The following VARS2 variants were observed in gnomAD, a reference collection of about 807,000 sequenced individuals.
VARS2 encodes the protein valine--tRNA ligase, mitochondrial.
VARS2 carries 105 observed loss-of-function variants against 154.1 expected under a neutral mutation model. The observed-to-expected ratio is 0.68, with a 90% CI of 0.58 to 0.80. The LOEUF (loss-of-function observed/expected upper bound fraction) is 0.80. Ranked by LOEUF, VARS2 falls within the 30% of genes least tolerant of loss-of-function variation. VARS2 has a pLI of 0.00. For missense variants in VARS2, 1,157 were observed against 1,361.4 expected, an observed-to-expected ratio of 0.85 and a Z score of 2.36; for synonymous variants, 483 against 539.5, an observed-to-expected ratio of 0.90 and a Z score of 1.45.
At chr6:30,923,300 G>A in intron 24 of VARS2, 53 bp from the exon 25 acceptor site, 3 of 1,606,776 alleles carry the variant, frequency 1.9e-6, no homozygotes, top group Non-Finnish European at 2.6e-6. Flanking sequence ...GCATCTGGAA[G>A]GAAAGGAGGC....
rs1794178684 is a variant in VARS2 at position 30,916,468 on chromosome 6, G to A, written c.671+219G>A. 3 of 387,756 alleles carry A rather than the reference G, an allele frequency of 7.7e-6. No individual in the cohort carries two copies. Among genetic ancestry groups the A allele is most frequent in the South Asian group, 9.4e-5 (1 of 10,644 alleles). The allele number at this position is 387,756 out of a possible 1,614,324, so 24.0% of individuals were successfully genotyped here. On this transcript the variant is annotated intron_variant, in intron 7 of 29. Transcript: ENST00000676266. The surrounding 1 kb of genome is among the most constrained non-coding windows in gnomAD (Gnocchi z 4.0). ...TTAGAATATTCGTGTGTGTGTGTGT[G>A]TGTGTGTGTATTTATATATATATAT... is the stretch of plus-strand genomic sequence containing the variant.
Position 30,920,141 on chromosome 6 carries a change from C to G in VARS2, c.1218C>G (p.Ala406=). The G allele has an allele frequency of 6.3e-7, 1 of 1,589,030 alleles. No homozygotes were observed. The highest frequency in any genetic ancestry group is 1.3e-5 in the African/African-American group (1 of 74,268). ...GTCCTGCCGATGCTGAGATGGGGGC[C>G]CGACATGGCTTGAGCCCCTTGAATG... ...AHSPADAEMG[A]RHGLSPLNVI... is the part of the protein sequence containing the mutation. The change falls in exon 13 of 30, where the codon GCC becomes GCG. Residue 406 remains alanine, a synonymous_variant. Coordinates refer to ENST00000676266, the MANE Select transcript of VARS2 (RefSeq NM_020442.6). This position sits in a 1 kb window ranked among gnomAD's most constrained non-coding sequence, Gnocchi z 4.6.
At position 30,916,989 on chromosome 6, in the gene VARS2, G is replaced by A. The variant is rs776222805; in HGVS notation, c.753+30G>A. On this transcript the variant is annotated intron_variant, in intron 8 of 29. Coordinates refer to ENST00000676266, the MANE Select transcript of VARS2 (RefSeq NM_020442.6). This position sits in a 1 kb window ranked among gnomAD's most constrained non-coding sequence, Gnocchi z 4.0. ...GTGTTCTGTGCCTTGGTCCCTGTGAGTGATGGGCGATGTTTAGGGATCTGT... is the reference window on the plus strand; with the variant it reads ...GTGTTCTGTGCCTTGGTCCCTGTGAATGATGGGCGATGTTTAGGGATCTGT... 1.1e-5 allele frequency: 17 copies of A among 1,613,984 alleles called. No homozygotes were observed. Among genetic ancestry groups the A allele is most frequent in the Admixed American group, 1.7e-5 (1 of 60,012 alleles).
At chr6:30,918,945 C>T (rs1794341381) in intron 11 of VARS2, 30 bp downstream of exon 11, 1 of 1,587,560 alleles carries the variant, frequency 6.3e-7, no homozygotes, top group South Asian at 1.1e-5. Flanking sequence ...TGCACTCTGG[C>T]CCGCCCCGCC....
In VARS2 at chr6:30,925,284, G is replaced by A. The variant is rs570231965; in HGVS notation, c.2684G>A (p.Arg895His). 3.1e-4 allele frequency: 492 copies of A among 1,611,288 alleles called. 3 individuals are homozygous for A. The South Asian group carries it at 4.5e-3, about 15-fold the overall frequency. ...YPSACSLEHW[R>H]QPELERRFSR... ...CCCCCCCATTGCCAGGAGCACTGGCGCCAGCCAGAGCTGGAGCGGCGCTTC... is the reference window on the plus strand; with the variant it reads ...CCCCCCCATTGCCAGGAGCACTGGCACCAGCCAGAGCTGGAGCGGCGCTTC... Residue 895 changes from arginine to histidine, a missense_variant, in exon 27 of 30, where the codon CGC (arginine) becomes CAC (histidine). Arg to His is a conservative substitution (Grantham distance 29). Transcript: ENST00000676266.
chr6:30,915,950 A>C (rs768872964), intron 5 of VARS2, 31 bp from the exon 6 acceptor site: 4 of 1,613,946 alleles, frequency 2.5e-6, no homozygotes, highest in Non-Finnish European at 3.4e-6. Flanking sequence ...ATTTAAGCTC[A>C]GGGGCTCACA....
chr6:30,920,769 A>G lies in VARS2; in HGVS notation c.1479+20A>G, dbSNP rs1268796972. ...GCCAAGGTGAGGCTGCAGTGTAGGA[A>G]GGACTGGGGCCAGGGGTTGGGGGAG... is the stretch of plus-strand genomic sequence containing the variant. On this transcript the variant is annotated intron_variant, in intron 15 of 29. Coordinates refer to ENST00000676266, the MANE Select transcript of VARS2 (RefSeq NM_020442.6). This position sits in a 1 kb window ranked among gnomAD's most constrained non-coding sequence, Gnocchi z 4.6. The G allele has an allele frequency of 2.6e-6, 4 of 1,553,390 alleles. No homozygotes were observed. The highest frequency in any genetic ancestry group is 2.0e-5 in the Admixed American group (1 of 49,460).
At position 30,921,556 on chromosome 6, in the gene VARS2, C is replaced by G; in HGVS notation, c.1633-33C>G. 6.3e-7 allele frequency: 1 copy of G among 1,581,710 alleles called. No individual in the cohort carries two copies. The highest frequency in any genetic ancestry group is 8.6e-7 in the Non-Finnish European group (1 of 1,165,348). ...CATTTACACCTGTCAGCTGTTCTTC[C>G]TCACTCTCCCCAACCCCTTCCTACT... On this transcript the variant is annotated intron_variant, in intron 17 of 29. Coordinates refer to ENST00000676266, the MANE Select transcript of VARS2 (RefSeq NM_020442.6). This position sits in a 1 kb window ranked among gnomAD's most constrained non-coding sequence, Gnocchi z 4.6.
At chr6:30,922,271 C>T in intron 20 of VARS2, 30 bp downstream of exon 20, 1 of 1,603,092 alleles carries the variant, frequency 6.2e-7, no homozygotes, top group Admixed American at 1.7e-5. Flanking sequence ...CTGCCGCTTT[C>T]TGTGACTCCA....
rs762520146 is a variant in VARS2 at position 30,922,709 on chromosome 6, C to T, written c.2041C>T (p.Leu681=). ...DIISGVEMQV[L]QEKLRSGNLD... ...AATTGCCCCCTTCCATCCCCAGGTG[C>T]TGCAGGAAAAGCTGAGAAGCGGAAA... The change falls in exon 22 of 30, where the codon CTG becomes TTG. Residue 681 remains leucine (L), a synonymous_variant. Transcript: ENST00000676266. 1 of 1,612,444 alleles carries T rather than the reference C, an allele frequency of 6.2e-7. No homozygotes were observed. Among genetic ancestry groups the T allele is most frequent in the East Asian group, 2.2e-5 (1 of 44,882 alleles).
In VARS2 at chr6:30,917,845, A is replaced by AT; in HGVS notation, c.985+44dup. On this transcript the variant is annotated intron_variant, in intron 10 of 29. Coordinates refer to ENST00000676266, the MANE Select transcript of VARS2 (RefSeq NM_020442.6). The surrounding 1 kb of genome is among the most constrained non-coding windows in gnomAD (Gnocchi z 4.4). ...TCTGCAGGGTCACCCGTTTACCTCC[A>AT]TTTTTCCTGTTTTCTGAAGCCCATG... 6.5e-7 allele frequency: 1 copy of AT among 1,543,562 alleles called. No individual in the cohort carries two copies.
chr6:30,916,659 A>C lies in VARS2; in HGVS notation c.672-219A>C, dbSNP rs1264298. 2 of 588,498 alleles carry C rather than the reference A, an allele frequency of 3.4e-6. No homozygotes were observed. Among genetic ancestry groups the C allele is most frequent in the African/African-American group, 3.7e-5 (2 of 53,644 alleles). 36.5% of individuals were successfully genotyped at this position (588,498 alleles called of 1,614,324 possible). ...TCCTTGGATTTCCCACAATATGGCT[A>C]TCCCTCCTCTCTTCCTATAGAATCT... On this transcript the variant is annotated intron_variant, in intron 7 of 29. Transcript: ENST00000676266. The surrounding 1 kb of genome is among the most constrained non-coding windows in gnomAD (Gnocchi z 4.0).
intron 25 of VARS2, 167 bp from the exon 26 acceptor site, chr6:30,924,187 T>C: frequency 1.6e-6 from 1 of 643,146 alleles, no homozygotes; most frequent in South Asian, 1.9e-5. Flanking sequence ...TCCCCTTCTT[T>C]GTGCTGAGTG....
rs552249242 is a variant in VARS2 at position 30,916,678 on chromosome 6, A to G, written c.672-200A>G. 1.6e-6 allele frequency: 1 copy of G among 606,564 alleles called. No homozygotes were observed. The highest frequency in any genetic ancestry group is 2.8e-5 in the East Asian group (1 of 36,074). 37.6% of individuals were successfully genotyped at this position (606,564 alleles called of 1,614,324 possible). On this transcript the variant is annotated intron_variant, in intron 7 of 29. Coordinates refer to ENST00000676266, the MANE Select transcript of VARS2 (RefSeq NM_020442.6). The surrounding 1 kb of genome is among the most constrained non-coding windows in gnomAD (Gnocchi z 4.0). The stretch of plus-strand genomic sequence containing the variant: ...ATGGCTATCCCTCCTCTCTTCCTAT[A>G]GAATCTTTTGCCTCTTTTAATATCT...
In VARS2 at chr6:30,916,973, G is replaced by A; in HGVS notation, c.753+14G>A. On this transcript the variant is annotated intron_variant, in intron 8 of 29. Transcript: ENST00000676266. This position sits in a 1 kb window ranked among gnomAD's most constrained non-coding sequence, Gnocchi z 4.0. Reference sequence around the variant, plus strand: ...ACCATGGATGTTGTGAGTGTTCTGTGCCTTGGTCCCTGTGAGTGATGGGCG... The same window carrying A: ...ACCATGGATGTTGTGAGTGTTCTGTACCTTGGTCCCTGTGAGTGATGGGCG... The A allele has an allele frequency of 6.2e-7, 1 of 1,614,164 alleles. No individual in the cohort carries two copies. The highest frequency in any genetic ancestry group is 8.5e-7 in the Non-Finnish European group (1 of 1,180,038).
At position 30,921,213 on chromosome 6, in the gene VARS2, G is replaced by A. The variant is rs767208143; in HGVS notation, c.1557-17G>A. 10 of 1,613,966 alleles carry A rather than the reference G, an allele frequency of 6.2e-6. No homozygotes were observed. Among genetic ancestry groups the A allele is most frequent in the African/African-American group, 4.0e-5 (3 of 74,910 alleles). On this transcript the variant is annotated splice_polypyrimidine_tract_variant and intron_variant, in intron 16 of 29. Transcript: ENST00000676266. The surrounding 1 kb of genome is among the most constrained non-coding windows in gnomAD (Gnocchi z 4.6). ...CTGACTGGTTATTCTAAGACTTCAC[G>A]AATGTCCTCCCGGCAGGGACTGGTG...
Position 30,923,701 on chromosome 6 carries a change from C to A in VARS2, c.2466+196C>A, listed in dbSNP as rs188317416. 1.4e-5 allele frequency: 10 copies of A among 712,494 alleles called. No homozygotes were observed. In the East Asian group the frequency reaches 2.8e-4, roughly 20 times the overall value. 44.1% of individuals were successfully genotyped at this position (712,494 alleles called of 1,614,324 possible). On this transcript the variant is annotated intron_variant, in intron 25 of 29. Coordinates refer to ENST00000676266, the MANE Select transcript of VARS2 (RefSeq NM_020442.6). The stretch of plus-strand genomic sequence containing the variant: ...GTGCAGCCCAGGCACTGTTGCCTGC[C>A]TGTCACCTGGGGAGAGGAGGAGGAG...
chr6:30,926,046 G>A, intron 29 of VARS2, 38 bp downstream of exon 29: 2 of 1,613,000 alleles, frequency 1.2e-6, no homozygotes, highest in Non-Finnish European at 8.5e-7. Context: ...CTCCACCCCT[G>A]AGGGAATGTG....
In VARS2 at chr6:30,917,203, A is replaced by G. The variant is rs1213549440; in HGVS notation, c.852A>G (p.Arg284=). The G allele has an allele frequency of 2.5e-6, 4 of 1,614,032 alleles. No homozygotes were observed. The highest frequency in any genetic ancestry group is 3.4e-6 in the Non-Finnish European group (4 of 1,180,042). The change falls in exon 9 of 30, where the codon AGA becomes AGG. Residue 284 remains arginine, a synonymous_variant. Coordinates refer to ENST00000676266, the MANE Select transcript of VARS2 (RefSeq NM_020442.6). The surrounding 1 kb of genome is among the most constrained non-coding windows in gnomAD (Gnocchi z 4.4). The part of the protein sequence containing the change: ...HQLVNWSCAL[R]SAISDIEVEN... ...TTGTCAACTGGTCATGTGCTTTAAG[A>G]TCAGCCATCTCGGACATTGAGGTGA...
Sources: gnomAD v4.1 joint callset for allele counts on GRCh38, gnomAD v4.1.1 for gene constraint, Gnocchi (gnomAD v3.1) non-coding constraint, MANE v1.5 for transcripts, NCBI Gene and HGNC (gene_info 2026-07-23, HGNC 2026-07-21) for gene names.